Variants in MECOM observed in about 807,000 individuals in gnomAD.
MECOM encodes MDS1 and EVI1 complex locus, also known as histone-lysine N-methyltransferase MECOM.
Under a neutral mutation model 116.3 loss-of-function variants are expected in MECOM, and 13 were observed. The observed-to-expected ratio is 0.11, with a 90% CI of 0.07 to 0.18. The LOEUF is 0.18. Among genes scored for constraint, MECOM ranks in the 10% least tolerant of loss-of-function variants. The pLI is 1.00. For missense variants in MECOM, 1,299 were observed against 1,509.0 expected (o/e 0.86, Z 2.31); for synonymous variants, 528 against 535.2 (o/e 0.99, Z 0.19).
chr3:169,170,487 T>A (rs931560267), intron 2 of MECOM, among the ~76,000 whole-genome samples: 2 of 151,598 alleles, frequency 1.3e-5, no homozygotes, highest in Admixed American at 1.3e-4. Context: ...TGTTTCCCAA[T>A]GTACTTAATT....
At chr3:169,620,861 TAGA>T (rs1225837490) in intron 1 of MECOM, among the ~76,000 whole-genome samples, 3 of 150,206 alleles carry the variant, frequency 2.0e-5, no homozygotes, top group African/African-American at 7.4e-5. Flanking sequence ...AAATAGGAGA[TAGA>T]AGACTAAACA....
At chr3:169,428,709 C>T (rs2014590) in intron 1 of MECOM, among the ~76,000 whole-genome samples, 80,222 of 152,032 alleles carry the variant, frequency 0.53, 21,642 homozygotes, top group East Asian at 0.84. Context: ...ATATCTTTTA[C>T]CTCAAATTAT....
chr3:169,321,411 G>T (rs35422738), intron 2 of MECOM, among the ~76,000 whole-genome samples: 1 of 152,042 alleles, frequency 6.6e-6, no homozygotes, highest in Admixed American at 6.6e-5. Flanking sequence ...ATGGTGGCAC[G>T]CGCCTTTACT....
rs1485251146 is a variant in MECOM at position 169,090,033 on chromosome 3, G to C, written c.3368C>G (p.Ala1123Gly). 1 of 1,613,362 alleles carries C rather than the reference G, an allele frequency of 6.2e-7. No homozygotes were observed. The highest frequency in any genetic ancestry group is 8.5e-7 in the Non-Finnish European group (1 of 1,179,584). Reference sequence around the variant, plus strand: ...GGATGTCTTGCAACTCATCTCCAGGGCACTGGTTTCTTCATAGTCATCCTC... The same window carrying C: ...GGATGTCTTGCAACTCATCTCCAGGCCACTGGTTTCTTCATAGTCATCCTC... ...NPEDDYEETS[A>G]LEMSCKTSPV... is the part of the protein sequence containing the mutation. Residue 1123 changes from alanine (A) to glycine (G), a missense_variant, in exon 15 of 17, where the codon GCC becomes GGC. Physicochemically the swap from Ala to Gly is moderately conservative, Grantham distance 60 (BLOSUM62 0). Coordinates refer to ENST00000651503, the MANE Select transcript of MECOM (RefSeq NM_004991.4).
intron 2 of MECOM, among the ~76,000 whole-genome samples, chr3:169,158,058 A>T (rs1742272008): frequency 6.7e-6 from 1 of 149,278 alleles, no homozygotes; most frequent in African/African-American, 2.4e-5. Flanking sequence ...ACAATTTTAT[A>T]TTCCTCCACC....
chr3:169,443,614 T>C (rs1744112595), intron 1 of MECOM, among the ~76,000 whole-genome samples: 1 of 151,894 alleles, frequency 6.6e-6, no homozygotes, highest in Admixed American at 6.5e-5. Context: ...TTCTCTGACT[T>C]TGCCAACAGC....
intron 2 of MECOM, among the ~76,000 whole-genome samples, chr3:169,255,310 C>T (rs1756735768): frequency 6.6e-6 from 1 of 152,062 alleles, no homozygotes; most frequent in Non-Finnish European, 1.5e-5. Context: ...GCAGTCCTTC[C>T]TAGTCATATG....
chr3:169,391,902 G>C (rs998394518), intron 1 of MECOM, among the ~76,000 whole-genome samples: 2 of 152,076 alleles, frequency 1.3e-5, no homozygotes, highest in Admixed American at 1.3e-4. Context: ...TGGGCACCAG[G>C]CACTGCCTTC....
Position 169,115,494 on chromosome 3 carries a change from T to C in MECOM, c.2378A>G (p.Lys793Arg). 1 of 1,614,152 alleles carries C rather than the reference T, an allele frequency of 6.2e-7. No individual in the cohort carries two copies. The highest frequency in any genetic ancestry group is 8.5e-7 in the Non-Finnish European group (1 of 1,180,030). The change falls in exon 8 of 17, where the codon AAA (lysine) becomes AGA (arginine). Residue 793 changes from lysine to arginine, a missense_variant. Lys to Arg is a conservative substitution (Grantham distance 26). Coordinates refer to ENST00000651503, the MANE Select transcript of MECOM (RefSeq NM_004991.4). ...ASGTKLTEPR[K>R]NHVFGGKKGS... ...TTTTTTTCCCCCAAACACGTGGTTT[T>C]TTCGAGGCTCAGTCAGCTTTGTCCC...
intron 2 of MECOM, among the ~76,000 whole-genome samples, chr3:169,345,190 T>C (rs1215320402): frequency 6.6e-6 from 1 of 152,144 alleles, no homozygotes; most frequent in Non-Finnish European, 1.5e-5. Flanking sequence ...TAAAAGCTAA[T>C]CAATCCAAAT....
At position 169,334,714 on chromosome 3, in the gene MECOM, G is replaced by A. The variant is rs189898856; in HGVS notation, c.375+46473C>T. The stretch of plus-strand genomic sequence containing the variant: ...TGTTTGTTGAATTAATCAGGAAAAA[G>A]AAGAAAATAGCAAATAAATAATTGC... On this transcript the variant is annotated intron_variant, in intron 2 of 16. Transcript: ENST00000651503. Among the ~76,000 whole-genome samples the A allele has an allele frequency of 2.8e-3, 422 of 152,172 alleles. 4 individuals are homozygous for A. Among genetic ancestry groups the A allele is most frequent in the Admixed American group, 7.1e-3 (108 of 15,272 alleles).
intron 2 of MECOM, among the ~76,000 whole-genome samples, chr3:169,239,632 T>C (rs1377502443): frequency 6.6e-6 from 1 of 152,074 alleles, no homozygotes; most frequent in Non-Finnish European, 1.5e-5. Flanking sequence ...GGGGGTGTCC[T>C]AATAAATAAA....
intron 2 of MECOM, among the ~76,000 whole-genome samples, chr3:169,375,395 T>C (rs1730841963): frequency 1.9e-5 from 1 of 52,704 alleles, no homozygotes; most frequent in African/African-American, 1.4e-4. Context: ...AGGAGCTGTT[T>C]TTTAAAAAAA....
chr3:169,518,561 A>T (rs1756983227), intron 1 of MECOM, among the ~76,000 whole-genome samples: 1 of 152,134 alleles, frequency 6.6e-6, no homozygotes, highest in African/African-American at 2.4e-5. Context: ...ATAAAACTAT[A>T]TGTACTGTAT....
chr3:169,431,478 A>G (rs1385662829), intron 1 of MECOM, among the ~76,000 whole-genome samples: 1 of 152,200 alleles, frequency 6.6e-6, no homozygotes. Flanking sequence ...TAAGACCTAC[A>G]TAGAAGAAAT....
At chr3:169,196,203 T>C (rs1258014302) in intron 2 of MECOM, among the ~76,000 whole-genome samples, 2 of 152,050 alleles carry the variant, frequency 1.3e-5, no homozygotes, top group Non-Finnish European at 2.9e-5. Flanking sequence ...ATGGCTGACC[T>C]GCATGAGATG....
intron 2 of MECOM, among the ~76,000 whole-genome samples, chr3:169,376,375 G>C (rs1436052404): frequency 6.6e-6 from 1 of 152,114 alleles, no homozygotes; most frequent in Non-Finnish European, 1.5e-5. Context: ...AATAAGAAGA[G>C]AGGAAGTTGA....
intron 1 of MECOM, among the ~76,000 whole-genome samples, chr3:169,539,014 A>G (rs1245328819): frequency 6.6e-6 from 1 of 151,932 alleles, no homozygotes; most frequent in African/African-American, 2.4e-5. Context: ...ACTGAAATAA[A>G]TATTTTATAG....
intron 2 of MECOM, among the ~76,000 whole-genome samples, chr3:169,293,145 T>C (rs1560097086): frequency 6.6e-6 from 1 of 152,210 alleles, no homozygotes; most frequent in Non-Finnish European, 1.5e-5. Flanking sequence ...CAACAGAGCA[T>C]GCCGAGAGTC....
Sources: allele counts gnomAD v4.1 joint callset (sites outside exome capture counted in the v4.1 genomes callset), GRCh38; gene constraint gnomAD v4.1.1; transcripts MANE v1.5; gene names NCBI Gene and HGNC (gene_info 2026-07-23, HGNC 2026-07-21).